ANP32E: variants seen among roughly 807,000 people sequenced by gnomAD.
ANP32E encodes acidic nuclear phosphoprotein 32 family member E.
A neutral mutation model predicts 35.3 loss-of-function variants in ANP32E; 14 were observed. The observed-to-expected ratio is 0.40, with a 90% CI of 0.26 to 0.62. ANP32E has a LOEUF of 0.62. Ranked by LOEUF, ANP32E falls within the 20% of genes least tolerant of loss-of-function variation. The pLI is 0.45. For synonymous variants in ANP32E, 89 were observed against 110.4 expected, an observed-to-expected ratio of 0.81 and a Z score of 1.22; for missense variants, 198 against 304.4, an observed-to-expected ratio of 0.65 and a Z score of 2.60.
At chr1:150,227,326 T>C (rs1648956040) in intron 4 of ANP32E, among the ~76,000 whole-genome samples, 1 of 152,026 alleles carries the variant, frequency 6.6e-6, no homozygotes, top group Non-Finnish European at 1.5e-5. Context: ...ATTCACAATA[T>C]CAAAGACATG....
At chr1:150,234,119 G>T (rs1042983051) in intron 1 of ANP32E, among the ~76,000 whole-genome samples, 6 of 151,716 alleles carry the variant, frequency 4.0e-5, no homozygotes, top group Non-Finnish European at 7.4e-5. Flanking sequence ...CACAGCGGAA[G>T]AAGTTGAAAA....
At chr1:150,229,297 TC>T (rs373945324) in intron 3 of ANP32E, 60 bp from the exon 4 acceptor site, 18 of 832,422 alleles carry the variant, frequency 2.2e-5, no homozygotes, top group African/African-American at 2.6e-5. Context: ...ATTTCTTTTT[TC>T]TTTTTTTTTT....
At chr1:150,232,631 C>T (rs988337380) in intron 1 of ANP32E, among the ~76,000 whole-genome samples, 5 of 151,644 alleles carry the variant, frequency 3.3e-5, no homozygotes, top group Non-Finnish European at 5.9e-5. Flanking sequence ...CCACCACTCC[C>T]GGCTAATTTT....
In ANP32E at chr1:150,226,607, C is replaced by T; in HGVS notation, c.681+1G>A. 2 of 1,613,372 alleles carry T rather than the reference C, an allele frequency of 1.2e-6. No individual in the cohort carries two copies. Among genetic ancestry groups the T allele is most frequent in the Non-Finnish European group, 1.7e-6 (2 of 1,179,924 alleles). ...AGTGCAGGTAAGAAGTGTGTATTCA[C>T]CTGAATTTCTTCTTTCATTAAGTAT... On this transcript the variant is annotated splice_donor_variant, in intron 5 of 6. Transcript: ENST00000583931. LOFTEE classifies it high-confidence loss of function.
Position 150,235,998 on chromosome 1 carries a change from C to T in ANP32E, c.-212G>A, listed in dbSNP as rs1024711866. ...GACTCTAACTCAGCTGCCCCCACCT[C>T]CTTGTCCACACACTAGCGCGCGCAC... On this transcript the variant is annotated 5_prime_UTR_variant, in exon 1 of 7. Coordinates refer to ENST00000583931, the MANE Select transcript of ANP32E (RefSeq NM_030920.5). The surrounding 1 kb of genome is among the most constrained non-coding windows in gnomAD (Gnocchi z 4.2). 5.9e-5 allele frequency: 34 copies of T among 574,396 alleles called. No homozygotes were observed. The South Asian group carries it at 6.9e-4, about 12-fold the overall frequency. The allele number at this position is 574,396 out of a possible 1,614,324, so 35.6% of individuals were successfully genotyped here.
intron 1 of ANP32E, among the ~76,000 whole-genome samples, chr1:150,232,489 TA>T (rs1158982937): frequency 1.6e-4 from 20 of 125,268 alleles, no homozygotes; most frequent in East Asian, 1.2e-3. Flanking sequence ...TTTTTTTTTG[TA>T]GATGGAGTCT....
intron 4 of ANP32E, 85 bp downstream of exon 4, chr1:150,228,982 TCACAC>T: frequency 1.7e-6 from 2 of 1,190,028 alleles, no homozygotes; most frequent in Admixed American, 2.5e-5. Flanking sequence ...ATTTTTTTTT[TCACAC>T]CTAAATTTCC....
rs782416813 is a variant in ANP32E at position 150,226,731 on chromosome 1, T to C, written c.558A>G (p.Glu186=). The C allele has an allele frequency of 4.4e-6, 7 of 1,587,484 alleles. No homozygotes were observed. In the South Asian group the frequency reaches 7.7e-5, roughly 18 times the overall value. Residue 186 remains glutamate (E), a synonymous_variant, in exon 5 of 7, where the codon GAA becomes GAG. Transcript: ENST00000583931. The part of the protein sequence containing the change: ...NEAGPPEGYE[E]EEEEEEEEDE... ...CCTCCTCTTCCTCTTCCTCCTCCTC[T>C]TCCTCATATCCTTCCGGTGGACCAG...
At chr1:150,228,507 T>C (rs1481513994) in intron 4 of ANP32E, among the ~76,000 whole-genome samples, 1 of 151,988 alleles carries the variant, frequency 6.6e-6, no homozygotes, top group Non-Finnish European at 1.5e-5. Flanking sequence ...CTGACCAACA[T>C]GGTGAAACCT....
intron 5 of ANP32E, among the ~76,000 whole-genome samples, chr1:150,224,961 G>A (rs1427188823): frequency 4.6e-5 from 7 of 152,160 alleles, no homozygotes; most frequent in Non-Finnish European, 2.9e-5. Context: ...AGATACAAAG[G>A]TGAGTGGCAC....
Position 150,235,018 on chromosome 1 carries a change from T to C in ANP32E, c.54+715A>G, listed in dbSNP as rs1649661554. On this transcript the variant is annotated intron_variant, in intron 1 of 6. Transcript: ENST00000583931. This position sits in a 1 kb window ranked among gnomAD's most constrained non-coding sequence, Gnocchi z 4.2. ...AGTTGCGGCCACACGACGTGCCACA[T>C]ATCGTTACACGGCGGGGGAAGAAGC... Among the ~76,000 whole-genome samples the C allele has an allele frequency of 6.6e-6, 1 of 152,176 alleles. No homozygotes were observed. The highest frequency in any genetic ancestry group is 2.1e-4 in the South Asian group (1 of 4,838).
chr1:150,223,500 G>GTGA lies in ANP32E; in HGVS notation c.682-263_682-261dup, dbSNP rs1242351158. On this transcript the variant is annotated intron_variant, in intron 5 of 6. Coordinates refer to ENST00000583931, the MANE Select transcript of ANP32E (RefSeq NM_030920.5). ...GTTCCAGACCAGCATGGCCAACATG[G>GTGA]TGAAACCCTATCTCTACTAAAAATA... Among the ~76,000 whole-genome samples, 4 of 151,800 alleles carry GTGA rather than the reference G, an allele frequency of 2.6e-5. No individual in the cohort carries two copies. In the East Asian group the frequency reaches 5.9e-4, roughly 22 times the overall value.
In ANP32E at chr1:150,224,698, C is replaced by G. The variant is rs1235229717; in HGVS notation, c.682-1458G>C. 4.6e-5 allele frequency among the ~76,000 whole-genome samples: 7 copies of G among 152,232 alleles called. No individual in the cohort carries two copies. In the East Asian group the frequency reaches 1.3e-3, roughly 29 times the overall value. On this transcript the variant is annotated intron_variant, in intron 5 of 6. Coordinates refer to ENST00000583931, the MANE Select transcript of ANP32E (RefSeq NM_030920.5). The stretch of plus-strand genomic sequence containing the variant: ...ACTAGTTTCATCAGCAAATATGTGT[C>G]ATTGATCGTTTATATTATGTATCTA...
rs782634409 is a variant in ANP32E, at chr1:150,230,643, C to T, written c.255G>A (p.Glu85=). The stretch of plus-strand genomic sequence containing the variant: ...TGAGGTAGGTAAGATTTGGACATTT[C>T]TCTGCCAGGACTTCCAAGCCTCCAG... ...IISGGLEVLA[E]KCPNLTYLNL... is the part of the protein sequence containing the mutation. The change falls in exon 3 of 7, where the codon GAG becomes GAA. Residue 85 remains glutamate (E), a synonymous_variant. Transcript: ENST00000583931. 4.3e-6 allele frequency: 7 copies of T among 1,613,544 alleles called. No individual in the cohort carries two copies. Among genetic ancestry groups the T allele is most frequent in the Non-Finnish European group, 5.1e-6 (6 of 1,179,766 alleles).
chr1:150,235,598 A>T lies in ANP32E; in HGVS notation c.54+135T>A, dbSNP rs1553843097. The T allele has an allele frequency of 1.1e-6, 1 of 934,874 alleles. No homozygotes were observed. The highest frequency in any genetic ancestry group is 1.7e-5 in the African/African-American group (1 of 59,044). 57.9% of individuals were successfully genotyped at this position (934,874 alleles called of 1,614,324 possible). ...AATGATTTAAAACTTAAAATTAAAC[A>T]TTTCCCCAACCCTAACCCGGGGGGA... On this transcript the variant is annotated intron_variant, in intron 1 of 6. Transcript: ENST00000583931. This position sits in a 1 kb window ranked among gnomAD's most constrained non-coding sequence, Gnocchi z 4.2.
rs1382269363 is a variant in ANP32E, at chr1:150,236,111, C to G, written c.-325G>C. 7.5e-6 allele frequency: 2 copies of G among 268,422 alleles called. No individual in the cohort carries two copies. Among genetic ancestry groups the G allele is most frequent in the East Asian group, 1.7e-4 (2 of 11,848 alleles). The allele number at this position is 268,422 out of a possible 1,614,324, so 16.6% of individuals were successfully genotyped here. A position where few individuals can be genotyped will look rare whatever the true frequency, so the allele number is the denominator to read the frequency against. ...TTCCCCTTCAATGGCTGCTCAGAGACTGAGCCTCCATGACACGGCACCGCC... is the reference window on the plus strand; with the variant it reads ...TTCCCCTTCAATGGCTGCTCAGAGAGTGAGCCTCCATGACACGGCACCGCC... On this transcript the variant is annotated 5_prime_UTR_variant, in exon 1 of 7. Coordinates refer to ENST00000583931, the MANE Select transcript of ANP32E (RefSeq NM_030920.5).
chr1:150,232,522 G>A (rs2101794168), intron 1 of ANP32E, among the ~76,000 whole-genome samples: 1 of 142,486 alleles, frequency 7.0e-6, no homozygotes, highest in South Asian at 2.2e-4. Context: ...CCAGGCTGGA[G>A]TGCAATGGCA....
intron 3 of ANP32E, 130 bp from the exon 4 acceptor site, chr1:150,229,367 T>G: frequency 1.7e-6 from 1 of 592,836 alleles, no homozygotes; most frequent in Admixed American, 3.4e-5. Context: ...CCACGATCTC[T>G]GCTCACTGCA....
In ANP32E at chr1:150,229,106, A is replaced by T. The variant is rs1553840935; in HGVS notation, c.459T>A (p.Asn153Lys). The part of the protein sequence containing the change: ...TYLDGFDQED[N>K]EAPDSEEEDD... ...CCTCCTCTTCAGAGTCCGGCGCTTC[A>T]TTATCCTCCTGATCAAATCCATCTA... Residue 153 changes from asparagine to lysine, a missense_variant, in exon 4 of 7, where the codon AAT becomes AAA. Asn to Lys is a moderately conservative substitution (Grantham distance 94). Transcript: ENST00000583931. 1.9e-6 allele frequency: 3 copies of T among 1,613,398 alleles called. No individual in the cohort carries two copies. In the South Asian group the frequency reaches 3.3e-5, roughly 18 times the overall value.
Sources: gnomAD v4.1 joint callset for allele counts (sites outside exome capture counted in the v4.1 genomes callset) on GRCh38, gnomAD v4.1.1 for gene constraint, Gnocchi (gnomAD v3.1) non-coding constraint, MANE v1.5 for transcripts, NCBI Gene and HGNC (gene_info 2026-07-23, HGNC 2026-07-21) for gene names.